ADGRE2: variants seen among roughly 807,000 people sequenced by gnomAD.
The protein encoded by ADGRE2 is adhesion G protein-coupled receptor E2, also known as CD97 antigen.
In ADGRE2, 83 loss-of-function variants were observed where a neutral mutation model predicts 100.8. That is an observed-to-expected ratio of 0.82 (90% CI 0.69 to 0.99). ADGRE2 has a LOEUF of 0.99. Ranked by LOEUF, ADGRE2 falls within the 50% of genes least tolerant of loss-of-function variation. ADGRE2 has a pLI of 0.00. For synonymous variants in ADGRE2, 355 were observed against 413.0 expected (o/e 0.86, Z 1.70); for missense variants, 814 against 1,035.7 (o/e 0.79, Z 2.94).
At chr19:14,775,860 G>GAAAAAAAAAAAAAAAAAA (rs3057586) in intron 2 of ADGRE2, among the ~76,000 whole-genome samples, 1 of 107,914 alleles carries the variant, frequency 9.3e-6, no homozygotes. Context: ...CTCCGCCTCA[G>GAAAAAAAAAAAAAAAAAA]AAAAAAAAAA....
At chr19:14,771,145 C>T (rs79933595) in intron 5 of ADGRE2, among the ~76,000 whole-genome samples, 1 of 152,152 alleles carries the variant, frequency 6.6e-6, no homozygotes, top group Non-Finnish European at 1.5e-5. Context: ...TCCTCACTTT[C>T]CTCCCACCAG....
Position 14,773,942 on chromosome 19 carries a change from A to G in ADGRE2, c.195T>C (p.Cys65=). ...GCTGCCCTCAAGCCTCTGTACCGTC[A>G]CAAGTCTCCATGGGGGTGGTGATGA... ...SEIITTPMET[C]DDINECATLS... is the part of the protein sequence containing the mutation. The change falls in exon 4 of 21, where the codon TGT becomes TGC. Residue 65 remains cysteine (C), a synonymous_variant. Coordinates refer to ENST00000315576, the MANE Select transcript of ADGRE2 (RefSeq NM_013447.4). The G allele has an allele frequency of 5.6e-6, 9 of 1,614,128 alleles. No homozygotes were observed. Among genetic ancestry groups the G allele is most frequent in the South Asian group, 1.1e-5 (1 of 91,088 alleles).
chr19:14,748,633 C>T (rs1426076315), intron 16 of ADGRE2, among the ~76,000 whole-genome samples: 3 of 152,148 alleles, frequency 2.0e-5, no homozygotes, highest in Non-Finnish European at 4.4e-5. Context: ...ATGGCTGCAT[C>T]ATGTACAAGT....
At chr19:14,756,390 G>C in intron 11 of ADGRE2, 45 bp from the exon 12 acceptor site, 3 of 1,300,270 alleles carry the variant, frequency 2.3e-6, no homozygotes, top group Non-Finnish European at 1.1e-6. Flanking sequence ...GTTAGGAATC[G>C]TGCCTGCAGT....
intron 12 of ADGRE2, 75 bp downstream of exon 12, chr19:14,756,163 T>G: frequency 8.6e-7 from 1 of 1,160,332 alleles, no homozygotes; most frequent in Non-Finnish European, 1.3e-6. Flanking sequence ...TCTTTAAATT[T>G]CTTATTTTTC....
At chr19:14,772,877 C>T (rs1434034697) in intron 4 of ADGRE2, among the ~76,000 whole-genome samples, 6 of 151,006 alleles carry the variant, frequency 4.0e-5, no homozygotes, top group South Asian at 2.1e-4. Context: ...GTCAGGAGTT[C>T]GAGACCAGCC....
At chr19:14,755,290 A>AAAAAAAAAC (rs1568599134) in intron 13 of ADGRE2, among the ~76,000 whole-genome samples, 163 bp from the exon 14 acceptor site, 1 of 31,338 alleles carries the variant, frequency 3.2e-5, no homozygotes, top group Admixed American at 2.4e-4. Context: ...AAAAAAAAAA[A>AAAAAAAAAC]AAAAATACAA....
chr19:14,776,539 G>T, intron 2 of ADGRE2, 187 bp downstream of exon 2: 1 of 366,598 alleles, frequency 2.7e-6, no homozygotes. Context: ...TTCCTGCCGG[G>T]GTGTGGGGGT....
At chr19:14,724,367 G>C in the ADGRE2 span, among the ~76,000 whole-genome samples, 5 of 152,310 alleles carry the variant, frequency 3.3e-5, no homozygotes, top group African/African-American at 1.2e-4. Flanking sequence ...GGAGCACATG[G>C]TTATAACACT....
chr19:14,756,977 T>C (rs1234361071), intron 11 of ADGRE2, among the ~76,000 whole-genome samples: 1 of 151,900 alleles, frequency 6.6e-6, no homozygotes, highest in Non-Finnish European at 1.5e-5. Context: ...GGCATGATCA[T>C]AGCTCACTGC....
chr19:14,766,090 T>C, intron 7 of ADGRE2, 145 bp downstream of exon 7: 1 of 1,462,246 alleles, frequency 6.8e-7, no homozygotes, highest in Non-Finnish European at 9.3e-7. Context: ...GGACCCTTGC[T>C]CTTTTCTCAT....
At chr19:14,778,101 A>G (rs2044496481) in intron 1 of ADGRE2, among the ~76,000 whole-genome samples, 156 bp downstream of exon 1, 1 of 152,176 alleles carries the variant, frequency 6.6e-6, no homozygotes, top group Non-Finnish European at 1.5e-5. Context: ...ACTAATTTAC[A>G]TTCCCACCAA....
intron 20 of ADGRE2, among the ~76,000 whole-genome samples, chr19:14,738,469 C>T (rs1373356275): frequency 6.6e-6 from 1 of 151,938 alleles, no homozygotes; most frequent in Non-Finnish European, 1.5e-5. Flanking sequence ...TACTTGACCT[C>T]CTGGGCTCAA....
the ADGRE2 span, among the ~76,000 whole-genome samples, chr19:14,726,311 G>A: frequency 1.3e-5 from 2 of 152,122 alleles, no homozygotes; most frequent in Non-Finnish European, 2.9e-5. Context: ...GGTTTGTGAT[G>A]GGAGAGGTGG....
At chr19:14,748,261 T>C (rs887924262) in intron 16 of ADGRE2, among the ~76,000 whole-genome samples, 1 of 152,178 alleles carries the variant, frequency 6.6e-6, no homozygotes, top group African/African-American at 2.4e-5. Context: ...TTAATTCACT[T>C]AGAATAATGG....
At chr19:14,760,725 T>C (rs1020749429) in intron 11 of ADGRE2, among the ~76,000 whole-genome samples, 1 of 152,130 alleles carries the variant, frequency 6.6e-6, no homozygotes, top group African/African-American at 2.4e-5. Context: ...TAGTTCAGGC[T>C]ATGGTGGGAA....
downstream of ADGRE2, chr19:14,731,235 A>G (rs777835560): frequency 1.3e-6 from 2 of 1,509,832 alleles, no homozygotes; most frequent in South Asian, 2.4e-5. Flanking sequence ...TCAGATCGCT[A>G]GAATCCAACC....
At chr19:14,768,309 C>T (rs577898294) in intron 5 of ADGRE2, among the ~76,000 whole-genome samples, 2 of 152,332 alleles carry the variant, frequency 1.3e-5, no homozygotes, top group African/African-American at 4.8e-5. Flanking sequence ...ACAGTGGGGA[C>T]CGACATACAG....
At chr19:14,764,288 G>C (rs973618179) in intron 11 of ADGRE2, 145 bp downstream of exon 11, 3 of 712,494 alleles carry the variant, frequency 4.2e-6, no homozygotes, top group Non-Finnish European at 7.2e-6. Context: ...AGACTGGTAT[G>C]TATTTCTTTT....
Sources: allele counts gnomAD v4.1 joint callset (sites outside exome capture counted in the v4.1 genomes callset), GRCh38; gene constraint gnomAD v4.1.1; transcripts MANE v1.5; gene names NCBI Gene and HGNC (gene_info 2026-07-23, HGNC 2026-07-21).